The following ERBB4 variants were observed in gnomAD, a reference collection of about 807,000 sequenced individuals.
The protein encoded by ERBB4 is receptor tyrosine-protein kinase erbB-4.
Under a neutral mutation model 158.0 loss-of-function variants are expected in ERBB4, and 42 were observed. The observed-to-expected ratio is 0.27, with a 90% CI of 0.21 to 0.34. The LOEUF (loss-of-function observed/expected upper bound fraction) is 0.34. Ranked by LOEUF, ERBB4 falls within the 10% of genes least tolerant of loss-of-function variation. ERBB4 has a pLI of 1.00. For synonymous variants in ERBB4, 583 were observed against 558.7 expected (o/e 1.04, Z -0.61); for missense variants, 1,333 against 1,624.1 (o/e 0.82, Z 3.08).
chr2:212,517,625 C>G (rs998052440), intron 1 of ERBB4, among the ~76,000 whole-genome samples: 1 of 152,052 alleles, frequency 6.6e-6, no homozygotes, highest in Non-Finnish European at 1.5e-5. Flanking sequence ...TCATTCTCTT[C>G]TTTCTTCTTC....
At chr2:211,701,614 C>T (rs1402857370) in intron 12 of ERBB4, among the ~76,000 whole-genome samples, 2 of 151,840 alleles carry the variant, frequency 1.3e-5, no homozygotes, top group Non-Finnish European at 2.9e-5. Flanking sequence ...AAAAATTAGC[C>T]GGGCGCGGCG....
At chr2:211,948,603 C>T (rs2080777944) in intron 2 of ERBB4, among the ~76,000 whole-genome samples, 1 of 151,642 alleles carries the variant, frequency 6.6e-6, no homozygotes, top group Admixed American at 6.6e-5. Context: ...TGAAGAAAGT[C>T]TGAGTTTCAT....
chr2:211,622,991 AT>A (rs1447510667), intron 18 of ERBB4, among the ~76,000 whole-genome samples: 423 of 6,392 alleles, frequency 0.066, 78 homozygotes, highest in African/African-American at 0.17. Flanking sequence ...AAAAAAAAAA[AT>A]ATATATATAT....
At chr2:211,946,167 A>G (rs563313349) in intron 3 of ERBB4, among the ~76,000 whole-genome samples, 6 of 152,036 alleles carry the variant, frequency 3.9e-5, no homozygotes, top group Non-Finnish European at 7.4e-5. Context: ...AACAATTTGC[A>G]TTCACCATTA....
chr2:211,465,884 G>T (rs71422743), intron 20 of ERBB4, among the ~76,000 whole-genome samples: 1 of 152,104 alleles, frequency 6.6e-6, no homozygotes, highest in Non-Finnish European at 1.5e-5. Context: ...TACCAGTGGG[G>T]ATTTGCACTT....
chr2:211,941,873 A>T (rs2080508942), intron 3 of ERBB4, among the ~76,000 whole-genome samples: 2 of 152,136 alleles, frequency 1.3e-5, no homozygotes, highest in South Asian at 4.1e-4. Context: ...AAGAACACTA[A>T]GATTTCTAAA....
At chr2:212,427,739 TGAAA>T (rs1397424956) in intron 1 of ERBB4, among the ~76,000 whole-genome samples, 2 of 152,134 alleles carry the variant, frequency 1.3e-5, no homozygotes, top group Non-Finnish European at 2.9e-5. Context: ...TCAGTATACC[TGAAA>T]GAAATTGGTC....
chr2:211,571,528 C>T (rs143864183), intron 19 of ERBB4, among the ~76,000 whole-genome samples: 5,287 of 152,206 alleles, frequency 0.035, 173 homozygotes, highest in Non-Finnish European at 0.044. Flanking sequence ...TTTTCTCCTC[C>T]ACTCCTATAA....
intron 16 of ERBB4, among the ~76,000 whole-genome samples, chr2:211,630,822 A>G (rs776104926): frequency 5.9e-5 from 9 of 152,184 alleles, no homozygotes; most frequent in Non-Finnish European, 1.2e-4. Context: ...TGCATGTACA[A>G]CTAATCTTTG....
At chr2:211,774,180 C>T (rs1430025475) in intron 4 of ERBB4, among the ~76,000 whole-genome samples, 1 of 151,572 alleles carries the variant, frequency 6.6e-6, no homozygotes, top group Admixed American at 6.6e-5. Context: ...TCAAACGATT[C>T]TTCCACCCCA....
chr2:211,749,361 A>C (rs557080370), intron 5 of ERBB4, among the ~76,000 whole-genome samples: 69 of 152,350 alleles, frequency 4.5e-4, no homozygotes, highest in Admixed American at 1.7e-3. Context: ...GTAGTACAAC[A>C]TGCAAAACAT....
intron 20 of ERBB4, among the ~76,000 whole-genome samples, chr2:211,490,453 T>C (rs1005581558): frequency 6.6e-6 from 1 of 152,086 alleles, no homozygotes; most frequent in African/African-American, 2.4e-5. Context: ...ATTCAACGTA[T>C]TTCACTAGTG....
intron 20 of ERBB4, among the ~76,000 whole-genome samples, chr2:211,519,718 A>G (rs2066137826): frequency 1.3e-5 from 2 of 152,308 alleles, no homozygotes; most frequent in South Asian, 2.1e-4. Context: ...CAAGGCACAC[A>G]TGTATGCATT....
At position 211,377,118 on chromosome 2, in the gene ERBB4, C is replaced by T. The variant is rs144389684; in HGVS notation, c.*6497G>A. ...TATGGTTGTAGTCCCCTCACTCCCCCCTCCCAGCCCCTGAGAGATCCAGAA... is the reference window on the plus strand; with the variant it reads ...TATGGTTGTAGTCCCCTCACTCCCCTCTCCCAGCCCCTGAGAGATCCAGAA... On this transcript the variant is annotated 3_prime_UTR_variant, in exon 28 of 28. Coordinates refer to ENST00000342788, the MANE Select transcript of ERBB4 (RefSeq NM_005235.3). 13 of 232,870 alleles carry T rather than the reference C, an allele frequency of 5.6e-5. No individual in the cohort carries two copies. Among genetic ancestry groups the T allele is most frequent in the South Asian group, 3.6e-4 (2 of 5,530 alleles). 14.4% of individuals were successfully genotyped at this position (232,870 alleles called of 1,614,324 possible).
intron 1 of ERBB4, among the ~76,000 whole-genome samples, chr2:212,194,814 A>G (rs935364866): frequency 1.4e-4 from 21 of 152,198 alleles, no homozygotes; most frequent in African/African-American, 5.1e-4. Context: ...CTCGAAAACA[A>G]TATTAAAATG....
At position 211,773,656 on chromosome 2, in the gene ERBB4, T is replaced by TAC. The variant is rs551423861; in HGVS notation, c.556+14367_556+14368dup. Among the ~76,000 whole-genome samples the TAC allele has an allele frequency of 1.2e-3, 149 of 119,356 alleles. 4 individuals are homozygous for TAC. The highest frequency in any genetic ancestry group is 7.8e-3 in the Admixed American group (83 of 10,634). 78.3% of individuals were successfully genotyped at this position (119,356 alleles called of 152,430 possible). On this transcript the variant is annotated intron_variant, in intron 4 of 27. Transcript: ENST00000342788. ...TATATATATATATATATAATATATA[T>TAC]ACACACACACACACTTCATATACAT...
At chr2:212,102,297 G>C (rs1575635002) in intron 2 of ERBB4, among the ~76,000 whole-genome samples, 1 of 151,132 alleles carries the variant, frequency 6.6e-6, no homozygotes, top group Non-Finnish European at 1.5e-5. Context: ...TTAAAACTCT[G>C]GTCAATTTGC....
intron 1 of ERBB4, among the ~76,000 whole-genome samples, chr2:212,260,804 C>A (rs2084915955): frequency 6.6e-6 from 1 of 151,232 alleles, no homozygotes; most frequent in Non-Finnish European, 1.5e-5. Context: ...CAGAACGAGA[C>A]TCTGTCTCAA....
chr2:212,350,367 T>C (rs1389805015), intron 1 of ERBB4, among the ~76,000 whole-genome samples: 1 of 152,150 alleles, frequency 6.6e-6, no homozygotes, highest in Non-Finnish European at 1.5e-5. Flanking sequence ...TTTCCCTCTT[T>C]CCCTTAGTAT....
Sources: allele counts gnomAD v4.1 joint callset (sites outside exome capture counted in the v4.1 genomes callset), GRCh38; gene constraint gnomAD v4.1.1; transcripts MANE v1.5; gene names NCBI Gene and HGNC (gene_info 2026-07-23, HGNC 2026-07-21).